Variants in SPRED1 observed in about 807,000 individuals in gnomAD.
The protein encoded by SPRED1 is sprouty related EVH1 domain containing 1.
A neutral mutation model predicts 52.3 loss-of-function variants in SPRED1; 18 were observed. The observed-to-expected ratio is 0.34, with a 90% CI of 0.24 to 0.51. The LOEUF is 0.51. Ranked by LOEUF, SPRED1 falls within the 20% of genes least tolerant of loss-of-function variation. The pLI is 0.97. For missense variants in SPRED1, 485 were observed against 551.0 expected, an observed-to-expected ratio of 0.88 and a Z score of 1.20; for synonymous variants, 155 against 179.7, an observed-to-expected ratio of 0.86 and a Z score of 1.10.
chr15:38,332,358 G>A (rs1476978200), intron 4 of SPRED1, among the ~76,000 whole-genome samples: 1 of 152,110 alleles, frequency 6.6e-6, no homozygotes, highest in Non-Finnish European at 1.5e-5. Context: ...AAGACTGCTT[G>A]AGCCTAGGAG....
chr15:38,265,941 A>G (rs1289046024), intron 1 of SPRED1, among the ~76,000 whole-genome samples: 2 of 152,168 alleles, frequency 1.3e-5, no homozygotes, highest in Non-Finnish European at 2.9e-5. Flanking sequence ...TATTAGATGG[A>G]CGCACTATTT....
intron 5 of SPRED1, among the ~76,000 whole-genome samples, chr15:38,347,757 C>G (rs953348124): frequency 6.6e-6 from 1 of 151,750 alleles, no homozygotes; most frequent in African/African-American, 2.4e-5. Context: ...TAAATGGAAT[C>G]CTTTTAAAAT....
Position 38,344,971 on chromosome 15 carries a change from A to G in SPRED1, c.583-4451A>G, listed in dbSNP as rs528246134. On this transcript the variant is annotated intron_variant, in intron 5 of 6. Transcript: ENST00000299084. ...GTTTACTCTTTTAAAGCTGCAGTAG[A>G]CTGTAGCTATACATACAGTAAAGAA... Among the ~76,000 whole-genome samples the G allele has an allele frequency of 3.8e-3, 579 of 152,322 alleles. 3 individuals are homozygous for G. Among genetic ancestry groups the G allele is most frequent in the Non-Finnish European group, 6.4e-3 (432 of 68,018 alleles).
intron 1 of SPRED1, among the ~76,000 whole-genome samples, chr15:38,295,926 GT>G (rs1407437506): frequency 1.6e-4 from 1 of 6,432 alleles, no homozygotes; most frequent in African/African-American, 2.2e-4. Flanking sequence ...TGCCTTCTTG[GT>G]GGAGAGAAAA....
intron 1 of SPRED1, among the ~76,000 whole-genome samples, chr15:38,273,426 A>G (rs1316419024): frequency 6.6e-6 from 1 of 151,578 alleles, no homozygotes; most frequent in Non-Finnish European, 1.5e-5. Flanking sequence ...TTAAAGATTT[A>G]TTGTCTGTTA....
At chr15:38,332,550 G>A (rs909084614) in intron 4 of SPRED1, among the ~76,000 whole-genome samples, 3 of 152,152 alleles carry the variant, frequency 2.0e-5, no homozygotes, top group African/African-American at 7.2e-5. Context: ...TCCACCCTGG[G>A]CAACAGAGCA....
chr15:38,311,738 A>G (rs896319448), intron 2 of SPRED1, among the ~76,000 whole-genome samples: 4 of 152,194 alleles, frequency 2.6e-5, no homozygotes, highest in African/African-American at 9.7e-5. Context: ...TTATTCTTTT[A>G]AAGGCTGCAG....
rs531847768 is a variant in SPRED1 at position 38,298,799 on chromosome 15, A to G, written c.33-574A>G. ...GTTTCTACAGACCAATTTGCTTGTTAAGTAATCTAAGCATAACACTTTTCT... is the reference window on the plus strand; with the variant it reads ...GTTTCTACAGACCAATTTGCTTGTTGAGTAATCTAAGCATAACACTTTTCT... On this transcript the variant is annotated intron_variant, in intron 1 of 6. Coordinates refer to ENST00000299084, the MANE Select transcript of SPRED1 (RefSeq NM_152594.3). Among the ~76,000 whole-genome samples the G allele has an allele frequency of 4.1e-4, 63 of 152,346 alleles. No homozygotes were observed. In the South Asian group the frequency reaches 4.3e-3, roughly 11 times the overall value.
chr15:38,301,419 C>T (rs1382394087), intron 2 of SPRED1, among the ~76,000 whole-genome samples: 1 of 152,102 alleles, frequency 6.6e-6, no homozygotes, highest in African/African-American at 2.4e-5. Context: ...TTCACGTAGC[C>T]ATTTTTCTTT....
At chr15:38,292,070 C>A (rs536676934) in intron 1 of SPRED1, among the ~76,000 whole-genome samples, 4 of 152,318 alleles carry the variant, frequency 2.6e-5, no homozygotes, top group African/African-American at 9.6e-5. Flanking sequence ...GAATGCTTTG[C>A]TGCTTAGAAA....
In SPRED1 at chr15:38,273,685, A is replaced by G. The variant is rs948435866; in HGVS notation, c.32+20468A>G. Among the ~76,000 whole-genome samples the G allele has an allele frequency of 2.0e-5, 3 of 152,068 alleles. No homozygotes were observed. The East Asian group carries it at 5.8e-4, about 29-fold the overall frequency. ...AATGATAATTTAAATTTAAATGATA[A>G]TTTGTAGCTAAATGATAATTAGCCC... On this transcript the variant is annotated intron_variant, in intron 1 of 6. Coordinates refer to ENST00000299084, the MANE Select transcript of SPRED1 (RefSeq NM_152594.3).
Position 38,356,074 on chromosome 15 carries a change from A to G in SPRED1, c.*4410A>G, listed in dbSNP as rs1052356966. ...GCATCAGTTGTTTTGAAATTTTTTC[A>G]AGAATAAACTAGTTGAAAAGTCTTT... On this transcript the variant is annotated 3_prime_UTR_variant, in exon 7 of 7. Coordinates refer to ENST00000299084, the MANE Select transcript of SPRED1 (RefSeq NM_152594.3). The G allele has an allele frequency of 8.5e-5, 13 of 152,196 alleles. No homozygotes were observed. The highest frequency in any genetic ancestry group is 3.1e-4 in the African/African-American group (13 of 41,460). The allele number at this position is 152,196 out of a possible 1,614,324, so 9.4% of individuals were successfully genotyped here.
intron 1 of SPRED1, among the ~76,000 whole-genome samples, chr15:38,258,432 A>G (rs1433871720): frequency 6.6e-6 from 1 of 152,102 alleles, no homozygotes; most frequent in African/African-American, 2.4e-5. Context: ...TCAGTCTCCT[A>G]TTGTTGGATA....
At chr15:38,326,009 G>C (rs1438080350) in intron 4 of SPRED1, 2 of 152,182 alleles carry the variant, frequency 1.3e-5, no homozygotes, top group Non-Finnish European at 2.9e-5. Flanking sequence ...GAATGACTTT[G>C]GACTCAGGAC....
intron 1 of SPRED1, among the ~76,000 whole-genome samples, chr15:38,269,442 T>G (rs972201433): frequency 6.6e-6 from 1 of 152,068 alleles, no homozygotes; most frequent in Non-Finnish European, 1.5e-5. Context: ...AGGGTCTTGA[T>G]TTTGTTGGCC....
chr15:38,256,527 G>A (rs999351750), intron 1 of SPRED1, among the ~76,000 whole-genome samples: 2 of 152,092 alleles, frequency 1.3e-5, no homozygotes, highest in Admixed American at 1.3e-4. Flanking sequence ...TGGCTTATTA[G>A]GTTCACGTTA....
intron 6 of SPRED1, among the ~76,000 whole-genome samples, chr15:38,349,952 TATGG>T: frequency 6.6e-6 from 1 of 152,270 alleles, no homozygotes; most frequent in Admixed American, 6.5e-5. Context: ...AGCCTGCATT[TATGG>T]ATGATGTAAG....
chr15:38,267,445 G>A (rs995122624), intron 1 of SPRED1, among the ~76,000 whole-genome samples: 10 of 152,162 alleles, frequency 6.6e-5, no homozygotes, highest in Admixed American at 5.2e-4. Context: ...AGTACAAGTG[G>A]TTTTTTAAAA....
intron 4 of SPRED1, among the ~76,000 whole-genome samples, 157 bp downstream of exon 4, chr15:38,324,966 T>C (rs1022644483): frequency 6.6e-6 from 1 of 152,198 alleles, no homozygotes; most frequent in Admixed American, 6.5e-5. Context: ...TGAGCATCCC[T>C]CATCTGAAAA....
Sources: allele counts gnomAD v4.1 joint callset (sites outside exome capture counted in the v4.1 genomes callset), GRCh38; gene constraint gnomAD v4.1.1; transcripts MANE v1.5; gene names NCBI Gene and HGNC (gene_info 2026-07-23, HGNC 2026-07-21).